KDM3A: variants seen among roughly 807,000 people sequenced by gnomAD.
KDM3A encodes lysine demethylase 3A, also known as lysine-specific demethylase 3A.
In KDM3A, 60 loss-of-function variants were observed where a neutral mutation model predicts 158.0. The observed-to-expected ratio is 0.38, with a 90% CI of 0.31 to 0.47. KDM3A has a LOEUF of 0.47. Ranked by LOEUF, KDM3A falls within the 20% of genes least tolerant of loss-of-function variation. KDM3A has a pLI of 0.99. For missense variants in KDM3A, 1,319 were observed against 1,574.3 expected (o/e 0.84, Z 2.74); for synonymous variants, 608 against 549.3 (o/e 1.11, Z -1.49).
chr2:86,454,128 C>A (rs889382350), intron 4 of KDM3A, among the ~76,000 whole-genome samples: 1 of 152,180 alleles, frequency 6.6e-6, no homozygotes, highest in Non-Finnish European at 1.5e-5. Context: ...TTTGTCCCCC[C>A]ACCTCCCTTT....
At chr2:86,483,859 C>T in intron 18 of KDM3A, 128 bp from the exon 19 acceptor site, 2 of 732,736 alleles carry the variant, frequency 2.7e-6, no homozygotes, top group South Asian at 4.0e-5. Flanking sequence ...GAAACTGTCA[C>T]ATCACCATCT....
intron 9 of KDM3A, 33 bp from the exon 10 acceptor site, chr2:86,466,339 C>CT (rs1489007335): frequency 6.4e-7 from 1 of 1,567,906 alleles, no homozygotes; most frequent in South Asian, 1.2e-5. Context: ...AAAAAGAGGC[C>CT]TGGATGCTAG....
At chr2:86,475,647 A>T (rs1015305025) in intron 12 of KDM3A, among the ~76,000 whole-genome samples, 2 of 152,160 alleles carry the variant, frequency 1.3e-5, no homozygotes, top group African/African-American at 4.8e-5. Context: ...CTTCCTATCC[A>T]TGTCCCTCTG....
In KDM3A at chr2:86,441,998, T is replaced by TA; in HGVS notation, c.-30-20_-30-19insA. ...TCCCACCGGCCGCCCCCGTCGCATT[T>TA]TGTTTTTGTGTTTTTGCAGGGAGGA... On this transcript the variant is annotated intron_variant, in intron 1 of 25. Transcript: ENST00000312912. 6.3e-7 allele frequency: 1 copy of TA among 1,597,014 alleles called. No homozygotes were observed. The highest frequency in any genetic ancestry group is 2.3e-5 in the East Asian group (1 of 44,264).
intron 2 of KDM3A, among the ~76,000 whole-genome samples, chr2:86,444,371 C>T (rs990987268): frequency 3.9e-5 from 6 of 152,164 alleles, no homozygotes; most frequent in African/African-American, 7.2e-5. Context: ...CAACTCAACC[C>T]TCATGTAAGA....
At chr2:86,452,747 A>G (rs566967219) in intron 4 of KDM3A, among the ~76,000 whole-genome samples, 2 of 152,342 alleles carry the variant, frequency 1.3e-5, no homozygotes, top group South Asian at 2.1e-4. Context: ...CCGAGCCTGT[A>G]TCGGGAAGCC....
At position 86,491,130 on chromosome 2, in the gene KDM3A, G is replaced by A. The variant is rs756821216; in HGVS notation, c.3751-11G>A. On this transcript the variant is annotated splice_polypyrimidine_tract_variant and intron_variant, in intron 24 of 25. Transcript: ENST00000312912. ...GGGTTTGTTACTGATATATTACTTGGTGTTTTTCAGGTTCATAACTTATAT... is the reference window on the plus strand; with the variant it reads ...GGGTTTGTTACTGATATATTACTTGATGTTTTTCAGGTTCATAACTTATAT... The A allele has an allele frequency of 5.0e-6, 8 of 1,613,766 alleles. No individual in the cohort carries two copies. In the South Asian group the frequency reaches 8.8e-5, roughly 18 times the overall value.
In KDM3A at chr2:86,482,501, T is replaced by G. The variant is rs1183862409; in HGVS notation, c.2729T>G (p.Ile910Ser). 1 of 1,614,206 alleles carries G rather than the reference T, an allele frequency of 6.2e-7. No homozygotes were observed. The stretch of plus-strand genomic sequence containing the variant: ...AATACACCAAAAATCCTTGATGACA[T>G]CTTTGCCTCTTTGGTGCAAAATAAG... The part of the protein sequence containing the change: ...LKNTPKILDD[I>S]FASLVQNKTT... Residue 910 changes from isoleucine (I) to serine (S), a missense_variant, in exon 18 of 26, where the codon ATC (isoleucine) becomes AGC (serine). By Grantham distance (142) the Ile-to-Ser change is moderately radical. Transcript: ENST00000312912.
chr2:86,482,194 C>A, intron 17 of KDM3A, 92 bp downstream of exon 17: 1 of 1,382,452 alleles, frequency 7.2e-7, no homozygotes. Flanking sequence ...AGAAAGGAGA[C>A]TGAATCACAT....
At chr2:86,446,283 G>A (rs1558602622) in intron 2 of KDM3A, among the ~76,000 whole-genome samples, 1 of 152,208 alleles carries the variant, frequency 6.6e-6, no homozygotes, top group Admixed American at 6.5e-5. Flanking sequence ...AAGCCACACA[G>A]TGTAAGTCAC....
chr2:86,472,586 C>T (rs189896552), intron 11 of KDM3A, among the ~76,000 whole-genome samples: 1 of 152,136 alleles, frequency 6.6e-6, no homozygotes, highest in Non-Finnish European at 1.5e-5. Context: ...ACTTTCATCT[C>T]TCATTTTGAC....
Position 86,465,062 on chromosome 2 carries a change from A to G in KDM3A, c.1007+846A>G, listed in dbSNP as rs1376681455. 2.6e-5 allele frequency among the ~76,000 whole-genome samples: 4 copies of G among 152,310 alleles called. No homozygotes were observed. In the East Asian group the frequency reaches 7.7e-4, roughly 29 times the overall value. Reference sequence around the variant, plus strand: ...TATCCAAGGAAAGATTTTTCATCTGAGTGTTTAAATGAAAAATTCTTCTCC... The same window carrying G: ...TATCCAAGGAAAGATTTTTCATCTGGGTGTTTAAATGAAAAATTCTTCTCC... On this transcript the variant is annotated intron_variant, in intron 9 of 25. Transcript: ENST00000312912.
intron 10 of KDM3A, among the ~76,000 whole-genome samples, chr2:86,467,930 G>GC (rs1470633518): frequency 2.0e-5 from 3 of 152,114 alleles, no homozygotes; most frequent in Non-Finnish European, 4.4e-5. Flanking sequence ...AGAAGCTGAG[G>GC]CAGGGGGGTT....
chr2:86,474,761 C>T lies in KDM3A; in HGVS notation c.1725-15C>T. 8.1e-6 allele frequency: 10 copies of T among 1,238,350 alleles called. No homozygotes were observed. The highest frequency in any genetic ancestry group is 2.3e-4 in the Middle Eastern group (1 of 4,386). 76.7% of individuals were successfully genotyped at this position (1,238,350 alleles called of 1,614,324 possible). ...TGTGTGTACATTACATCTTTTTTTC[C>T]CCTGCTTCCCCTAGGTTACAATTCA... On this transcript the variant is annotated splice_polypyrimidine_tract_variant and intron_variant, in intron 11 of 25. Coordinates refer to ENST00000312912, the MANE Select transcript of KDM3A (RefSeq NM_018433.6).
chr2:86,449,799 C>G lies in KDM3A; in HGVS notation c.187-8C>G, dbSNP rs751387956. ...TGCTTCCCCCACCCCCCAATTTTGT[C>G]TGTCTAGGTGTGTGTGGAATTTGAT... On this transcript the variant is annotated splice_polypyrimidine_tract_variant and splice_region_variant and intron_variant, in intron 2 of 25. Transcript: ENST00000312912. 7.0e-6 allele frequency: 11 copies of G among 1,566,770 alleles called. No homozygotes were observed. The highest frequency in any genetic ancestry group is 1.2e-5 in the South Asian group (1 of 83,168).
intron 11 of KDM3A, among the ~76,000 whole-genome samples, chr2:86,474,247 A>G (rs1051368380): frequency 6.6e-6 from 1 of 152,058 alleles, no homozygotes; most frequent in Non-Finnish European, 1.5e-5. Flanking sequence ...TCCCCTGTCT[A>G]GCTTGTCTTT....
Position 86,471,357 on chromosome 2 carries a change from GTA to G in KDM3A, c.1724+953_1724+954del, listed in dbSNP as rs201998290. On this transcript the variant is annotated intron_variant, in intron 11 of 25. Transcript: ENST00000312912. ...TGTATATATGTATATATGTGTGTGT[GTA>G]TATGTGTATATATGTATATATATGT... Among the ~76,000 whole-genome samples the G allele has an allele frequency of 8.5e-3, 997 of 117,720 alleles. 8 individuals are homozygous for G. Among genetic ancestry groups the G allele is most frequent in the East Asian group, 0.027 (49 of 1,826 alleles). 77.2% of individuals were successfully genotyped at this position (117,720 alleles called of 152,430 possible).
chr2:86,442,126 G>A lies in KDM3A; in HGVS notation c.79G>A (p.Asp27Asn). The change falls in exon 2 of 26, where the codon GAT becomes AAT. Residue 27 changes from aspartate (D) to asparagine (N), a missense_variant. This residue lies in a region of KDM3A where 652 missense variants were observed against 627.2 expected (regional missense o/e 1.04). Coordinates refer to ENST00000312912, the MANE Select transcript of KDM3A (RefSeq NM_018433.6). ...FLSLSAADGS[D>N]GSHDSWDVER... is the part of the protein sequence containing the mutation. ...CAGTCTGTCCGCAGCCGACGGCAGCGATGGCAGCCACGACAGCTGGGACGT... is the reference window on the plus strand; with the variant it reads ...CAGTCTGTCCGCAGCCGACGGCAGCAATGGCAGCCACGACAGCTGGGACGT... 6.2e-7 allele frequency: 1 copy of A among 1,614,106 alleles called. No homozygotes were observed. Among genetic ancestry groups the A allele is most frequent in the Non-Finnish European group, 8.5e-7 (1 of 1,179,994 alleles).
intron 10 of KDM3A, 124 bp from the exon 11 acceptor site, chr2:86,470,080 A>G (rs547965019): frequency 1.4e-6 from 1 of 722,318 alleles, no homozygotes; most frequent in South Asian, 1.9e-5. Context: ...ATTACAATTG[A>G]ACCAGGAATT....
Sources: allele counts gnomAD v4.1 joint callset (sites outside exome capture counted in the v4.1 genomes callset), GRCh38; gene constraint gnomAD v4.1.1; regional missense constraint gnomAD v4.1.1; transcripts MANE v1.5; gene names NCBI Gene and HGNC (gene_info 2026-07-23, HGNC 2026-07-21).